The following STAC variants were observed in gnomAD, a reference collection of about 807,000 sequenced individuals.
The protein encoded by STAC is SH3 and cysteine-rich domain-containing protein.
A neutral mutation model predicts 48.8 loss-of-function variants in STAC; 43 were observed. The observed-to-expected ratio is 0.88, with a 90% CI of 0.69 to 1.14. STAC has a LOEUF of 1.14. Among genes scored for constraint, STAC ranks in the 50% most tolerant of loss-of-function variants. The probability of loss-of-function intolerance (pLI) is 0.00; values close to 1 mark genes in which losing one functional copy is unlikely to be tolerated. For missense variants in STAC, 497 were observed against 504.0 expected (o/e 0.99, Z 0.13); for synonymous variants, 193 against 179.5 (o/e 1.07, Z -0.60).
At chr3:36,463,475 ATTTTAATTTT>A (rs1304155783) in intron 2 of STAC, among the ~76,000 whole-genome samples, 2 of 149,746 alleles carry the variant, frequency 1.3e-5, no homozygotes, top group South Asian at 2.1e-4. Flanking sequence ...AAAATCTCTC[ATTTTAATTTT>A]TTTTAATTTT....
chr3:36,384,909 T>C (rs1283772068), intron 1 of STAC, among the ~76,000 whole-genome samples: 1 of 152,174 alleles, frequency 6.6e-6, no homozygotes, highest in African/African-American at 2.4e-5. Flanking sequence ...CAATTATTTA[T>C]TGAGTGCCTA....
chr3:36,501,205 T>G (rs190257494), intron 6 of STAC, among the ~76,000 whole-genome samples: 1 of 152,284 alleles, frequency 6.6e-6, no homozygotes, highest in African/African-American at 2.4e-5. Flanking sequence ...TCCAAAGTGC[T>G]AAAGTTGGGA....
At chr3:36,453,254 A>G (rs1476044773) in intron 2 of STAC, among the ~76,000 whole-genome samples, 1 of 152,184 alleles carries the variant, frequency 6.6e-6, no homozygotes, top group African/African-American at 2.4e-5. Context: ...GCACTTGAGG[A>G]GCCCTTCAGC....
intron 1 of STAC, among the ~76,000 whole-genome samples, chr3:36,387,057 A>T (rs1230296687): frequency 6.6e-6 from 1 of 152,080 alleles, no homozygotes; most frequent in Non-Finnish European, 1.5e-5. Flanking sequence ...TTACTTTTTC[A>T]GTTTGGGGTT....
chr3:36,469,160 A>C (rs1023879775), intron 2 of STAC, among the ~76,000 whole-genome samples: 14 of 150,488 alleles, frequency 9.3e-5, no homozygotes, highest in African/African-American at 2.9e-4. Flanking sequence ...CTTTTTTTTC[A>C]TTGTGTTATT....
intron 2 of STAC, among the ~76,000 whole-genome samples, chr3:36,455,760 GGTGT>G (rs71085125): frequency 1.7e-4 from 26 of 149,190 alleles, no homozygotes; most frequent in South Asian, 8.7e-4. Context: ...GAAACAGGCA[GGTGT>G]GTGTGTGTGT....
chr3:36,481,268 C>T (rs994082920), intron 2 of STAC, among the ~76,000 whole-genome samples: 1 of 152,150 alleles, frequency 6.6e-6, no homozygotes, highest in Non-Finnish European at 1.5e-5. Context: ...CCAAAGCCTG[C>T]AGAGCCTCGC....
intron 8 of STAC, among the ~76,000 whole-genome samples, chr3:36,511,436 C>A (rs1238417456): frequency 1.3e-5 from 2 of 152,114 alleles, no homozygotes; most frequent in African/African-American, 4.8e-5. Flanking sequence ...ATTCATGACC[C>A]CAAAATGTGA....
intron 8 of STAC, among the ~76,000 whole-genome samples, chr3:36,521,448 C>G (rs981133147): frequency 6.6e-6 from 1 of 151,612 alleles, no homozygotes; most frequent in Non-Finnish European, 1.5e-5. Context: ...CTCAACCCTG[C>G]CAACATCTCC....
intron 1 of STAC, among the ~76,000 whole-genome samples, chr3:36,424,204 T>C (rs1700512437): frequency 6.6e-6 from 1 of 152,108 alleles, no homozygotes; most frequent in African/African-American, 2.4e-5. Context: ...GTAGATTCTC[T>C]GTTCTTCATG....
intron 2 of STAC, among the ~76,000 whole-genome samples, chr3:36,470,038 T>G (rs1397328302): frequency 6.6e-6 from 1 of 152,224 alleles, no homozygotes; most frequent in African/African-American, 2.4e-5. Context: ...TTGATTAGCT[T>G]AATAATTGAC....
chr3:36,435,326 G>T (rs981913123), intron 1 of STAC, among the ~76,000 whole-genome samples: 1 of 152,024 alleles, frequency 6.6e-6, no homozygotes, highest in African/African-American at 2.4e-5. Context: ...AAAGAGAAAA[G>T]CCACATCCAG....
At chr3:36,530,580 C>CTTTTTTTTTTTTTTTTTTTTTTT (rs775751742) in intron 10 of STAC, among the ~76,000 whole-genome samples, 2 of 102,702 alleles carry the variant, frequency 1.9e-5, no homozygotes, top group African/African-American at 4.1e-5. Context: ...TTCACCTTTT[C>CTTTTTTTTTTTTTTTTTTTTTTT]TTTTTTTTTT....
intron 10 of STAC, among the ~76,000 whole-genome samples, chr3:36,535,541 T>C (rs1166386453): frequency 6.6e-6 from 1 of 152,178 alleles, no homozygotes; most frequent in Admixed American, 6.6e-5. Context: ...GCATCTTTTT[T>C]GTGCCAATTT....
chr3:36,385,374 A>G (rs983665672), intron 1 of STAC, among the ~76,000 whole-genome samples: 2 of 152,132 alleles, frequency 1.3e-5, no homozygotes, highest in African/African-American at 4.8e-5. Flanking sequence ...AAATATTTGT[A>G]TATGTTTCTG....
At chr3:36,533,976 A>AT in intron 10 of STAC, among the ~76,000 whole-genome samples, 1 of 152,280 alleles carries the variant, frequency 6.6e-6, no homozygotes, top group South Asian at 2.1e-4. Context: ...GATAGTATCA[A>AT]TTTTTTAAAT....
intron 2 of STAC, among the ~76,000 whole-genome samples, chr3:36,452,654 T>C (rs767011410): frequency 5.3e-5 from 8 of 152,174 alleles, no homozygotes; most frequent in Non-Finnish European, 8.8e-5. Context: ...ATTAAGAAGG[T>C]AGAATTGCAG....
chr3:36,418,846 G>A (rs1430288466), intron 1 of STAC, among the ~76,000 whole-genome samples: 1 of 151,948 alleles, frequency 6.6e-6, no homozygotes, highest in Non-Finnish European at 1.5e-5. Flanking sequence ...TCGGGAGATG[G>A]AGGCCACCCT....
intron 2 of STAC, among the ~76,000 whole-genome samples, chr3:36,475,028 T>C (rs140233869): frequency 0.023 from 3,546 of 152,300 alleles, 84 homozygotes; most frequent in Non-Finnish European, 0.029. Context: ...CGCACGCATG[T>C]GTGTTTGTAT....
Sources: gnomAD v4.1 joint callset for allele counts (sites outside exome capture counted in the v4.1 genomes callset) on GRCh38, gnomAD v4.1.1 for gene constraint, MANE v1.5 for transcripts, NCBI Gene and HGNC (gene_info 2026-07-23, HGNC 2026-07-21) for gene names.